The following ACSF3 variants were observed in gnomAD, a reference collection of about 807,000 sequenced individuals.
ACSF3 encodes the protein malonate--CoA ligase ACSF3, mitochondrial.
In ACSF3, 78 loss-of-function variants were observed where a neutral mutation model predicts 53.2. The ratio of observed to expected loss-of-function variants is 1.47; its 90% CI spans 1.22 to 1.77. ACSF3 has a LOEUF of 1.77. ACSF3 is among the 40% of genes most tolerant of loss of function. ACSF3 has a pLI of 0.00. For missense variants in ACSF3, 937 were observed against 771.1 expected (o/e 1.22, Z -2.55); for synonymous variants, 414 against 333.1 (o/e 1.24, Z -2.65).
chr16:89,114,357 A>T lies in ACSF3; in HGVS notation c.996A>T (p.Ser332=), dbSNP rs75591977. Residue 332 remains serine (S), a synonymous_variant, in exon 6 of 11, where the codon TCA becomes TCT. Transcript: ENST00000614302. ...EEKIRLMVSG[S]AALPLPVLEK... ...CGCGTAGGCTGATGGTCTCAGGCTC[A>T]GCTGCCCTGCCCCTCCCAGTGCTGG... 33,721 of 1,614,024 alleles carry T rather than the reference A, an allele frequency of 0.021. 1,021 individuals carry two copies. Among genetic ancestry groups the T allele is most frequent in the East Asian group, 0.12 (5,220 of 44,874 alleles).
In ACSF3 at chr16:89,147,161, AGGAGGGAGGGTCCACAGAG is replaced by A. The variant is rs773930227; in HGVS notation, c.1613+1132_1613+1150del. The stretch of plus-strand genomic sequence containing the variant: ...GGAGGAGCCACAGAGTGAGTGAGGG[AGGAGGGAGGGTCCACAGAG>A]GGAGGGAGGGTCCACAGAGTGAGTG... On this transcript the variant is annotated intron_variant, in intron 10 of 10. Coordinates refer to ENST00000614302, the MANE Select transcript of ACSF3 (RefSeq NM_001243279.3). 1.7e-3 allele frequency among the ~76,000 whole-genome samples: 193 copies of A among 112,676 alleles called. 1 individual carries two copies. The highest frequency in any genetic ancestry group is 4.7e-3 in the African/African-American group (138 of 29,408). The allele number at this position is 112,676 out of a possible 152,430, so 73.9% of individuals were successfully genotyped here.
At chr16:89,114,692 C>T (rs556746972) in intron 6 of ACSF3, 20 of 728,386 alleles carry the variant, frequency 2.7e-5, no homozygotes, top group African/African-American at 1.6e-4. Context: ...AAGTCTCAGT[C>T]GGGTGGATGG....
chr16:89,116,706 G>A (rs1256548793), intron 6 of ACSF3, among the ~76,000 whole-genome samples: 1 of 152,182 alleles, frequency 6.6e-6, no homozygotes, highest in Admixed American at 6.5e-5. Context: ...AAGTCAGTGT[G>A]AGTGATGAGA....
chr16:89,105,283 G>A (rs917711835), intron 4 of ACSF3, among the ~76,000 whole-genome samples: 23 of 152,148 alleles, frequency 1.5e-4, no homozygotes, highest in African/African-American at 4.6e-4. Flanking sequence ...TCTGCCTGGC[G>A]CTCTGCTCCA....
At chr16:89,139,007 C>T (rs1265841884) in intron 8 of ACSF3, among the ~76,000 whole-genome samples, 2 of 152,318 alleles carry the variant, frequency 1.3e-5, no homozygotes, top group East Asian at 1.9e-4. Flanking sequence ...TCCCGAGGGC[C>T]GCCAGCACCG....
At chr16:89,122,013 C>CCCCACT (rs1906772373) in intron 7 of ACSF3, among the ~76,000 whole-genome samples, 1 of 145,540 alleles carries the variant, frequency 6.9e-6, no homozygotes, top group African/African-American at 2.6e-5. Flanking sequence ...TGTTATCCCC[C>CCCCACT]GTGGCCCTGA....
At chr16:89,131,468 C>T (rs1480208750) in intron 7 of ACSF3, among the ~76,000 whole-genome samples, 1 of 152,098 alleles carries the variant, frequency 6.6e-6, no homozygotes, top group Non-Finnish European at 1.5e-5. Flanking sequence ...TGTGTTGTCT[C>T]AGTGCTGTTG....
chr16:89,145,880 C>T (rs751605783), intron 9 of ACSF3, 58 bp from the exon 10 acceptor site: 34 of 1,447,228 alleles, frequency 2.3e-5, no homozygotes, highest in Middle Eastern at 1.7e-4. Context: ...AGGCACTCTT[C>T]GGCCTGTAAG....
At chr16:89,135,495 G>A (rs944373814) in intron 8 of ACSF3, among the ~76,000 whole-genome samples, 13 of 152,274 alleles carry the variant, frequency 8.5e-5, no homozygotes, top group Non-Finnish European at 5.9e-5. Context: ...ACCCTGGGAG[G>A]CACCTTCGTG....
chr16:89,123,363 C>G (rs1274297074), intron 7 of ACSF3, among the ~76,000 whole-genome samples: 1 of 152,178 alleles, frequency 6.6e-6, no homozygotes, highest in African/African-American at 2.4e-5. Context: ...GACTCCCCAC[C>G]CCACGCTCAC....
At position 89,154,318 on chromosome 16, in the gene ACSF3, A is replaced by G. The variant is rs2151586527; in HGVS notation, c.*111A>G. The G allele has an allele frequency of 2.0e-6, 2 of 985,334 alleles. No homozygotes were observed. The highest frequency in any genetic ancestry group is 3.1e-6 in the Non-Finnish European group (2 of 636,070). 61.0% of individuals were successfully genotyped at this position (985,334 alleles called of 1,614,324 possible). On this transcript the variant is annotated 3_prime_UTR_variant, in exon 11 of 11. Transcript: ENST00000614302. The stretch of plus-strand genomic sequence containing the variant: ...GCCTCCCTTAAACCTGAACCCCCCA[A>G]ATCAGGTCACGTAGAATCAAGAACT...
chr16:89,102,863 G>C, intron 4 of ACSF3, 104 bp downstream of exon 4: 1 of 1,519,286 alleles, frequency 6.6e-7, no homozygotes, highest in Non-Finnish European at 9.0e-7. Context: ...GCCTTTCGCT[G>C]GTTGGGGTCA....
At chr16:89,152,161 CAG>C (rs1422472993) in intron 10 of ACSF3, 1 of 152,268 alleles carries the variant, frequency 6.6e-6, no homozygotes. Context: ...TCATTCAACA[CAG>C]AGTTTGTCCC....
intron 4 of ACSF3, among the ~76,000 whole-genome samples, chr16:89,103,828 G>A (rs770475648): frequency 2.0e-5 from 3 of 152,240 alleles, no homozygotes; most frequent in Non-Finnish European, 4.4e-5. Flanking sequence ...AGGGAGGGAA[G>A]GACGCGGTGC....
intron 8 of ACSF3, among the ~76,000 whole-genome samples, chr16:89,138,369 C>T (rs926136160): frequency 6.6e-6 from 1 of 152,216 alleles, no homozygotes; most frequent in Non-Finnish European, 1.5e-5. Context: ...GCCATGCTGC[C>T]TTCACAGGAC....
chr16:89,117,670 G>A (rs1269336862), intron 6 of ACSF3, among the ~76,000 whole-genome samples: 8 of 152,078 alleles, frequency 5.3e-5, no homozygotes, highest in African/African-American at 1.4e-4. Flanking sequence ...AGGGACCGCC[G>A]TCCACACCGA....
At position 89,145,084 on chromosome 16, in the gene ACSF3, G is replaced by A. The variant is rs73256070; in HGVS notation, c.1367-183G>A. The A allele has an allele frequency of 0.048, 73,678 of 1,527,576 alleles. 6,459 individuals are homozygous for A. Among genetic ancestry groups the A allele is most frequent in the East Asian group, 0.37 (15,446 of 41,784 alleles). 94.6% of individuals were successfully genotyped at this position (1,527,576 alleles called of 1,614,324 possible). A position where few individuals can be genotyped will look rare whatever the true frequency, so the allele number is the denominator to read the frequency against. ...TTGGGACGCACGTCGTGACCACCAG[G>A]AATGTGGGCTTACCTGGCATAGCTG... is the stretch of plus-strand genomic sequence containing the variant. On this transcript the variant is annotated intron_variant, in intron 8 of 10. Transcript: ENST00000614302.
chr16:89,112,289 G>C, intron 5 of ACSF3, 43 bp downstream of exon 5: 1 of 1,606,688 alleles, frequency 6.2e-7, no homozygotes, highest in South Asian at 1.1e-5. Context: ...AAGTCTTAAA[G>C]ATCAACAGAT....
chr16:89,112,570 C>T (rs1369854775), intron 5 of ACSF3, among the ~76,000 whole-genome samples: 2 of 152,086 alleles, frequency 1.3e-5, no homozygotes, highest in African/African-American at 2.4e-5. Flanking sequence ...TCTGTCTTCT[C>T]TGTCTCTCTT....
Sources: gnomAD v4.1 joint callset for allele counts (sites outside exome capture counted in the v4.1 genomes callset) on GRCh38, gnomAD v4.1.1 for gene constraint, MANE v1.5 for transcripts, NCBI Gene and HGNC (gene_info 2026-07-23, HGNC 2026-07-21) for gene names.